The following CTBP2 variants were observed in gnomAD, a reference collection of about 807,000 sequenced individuals.
The protein encoded by CTBP2 is C-terminal binding protein 2, also known as C-terminal-binding protein 2.
Under a neutral mutation model 80.3 loss-of-function variants are expected in CTBP2, and 30 were observed. The observed-to-expected ratio is 0.37, with a 90% CI of 0.28 to 0.51. CTBP2 has a LOEUF of 0.51. Among genes scored for constraint, CTBP2 ranks in the 20% least tolerant of loss-of-function variants. The pLI is 0.93. For synonymous variants in CTBP2, 594 were observed against 587.4 expected (o/e 1.01, Z -0.16); for missense variants, 1,212 against 1,375.3 (o/e 0.88, Z 1.88).
chr10:125,009,856 G>A (rs1955668284), intron 1 of CTBP2, among the ~76,000 whole-genome samples: 1 of 152,172 alleles, frequency 6.6e-6, no homozygotes, highest in African/African-American at 2.4e-5. Flanking sequence ...GCGGTCTGTG[G>A]GAGCCTCGTG....
At chr10:125,131,071 T>C (rs1278068705) in intron 1 of CTBP2, among the ~76,000 whole-genome samples, 2 of 152,160 alleles carry the variant, frequency 1.3e-5, no homozygotes, top group South Asian at 2.1e-4. Flanking sequence ...TGACAGCAGA[T>C]GCAGATGAGA....
At chr10:125,042,230 G>A (rs551589603) in intron 2 of CTBP2, among the ~76,000 whole-genome samples, 5 of 152,296 alleles carry the variant, frequency 3.3e-5, no homozygotes, top group African/African-American at 7.2e-5. Flanking sequence ...AGCTATTTAC[G>A]AGGACTTAAT....
In CTBP2 at chr10:124,998,431, T is replaced by C. The variant is rs973148315; in HGVS notation, c.1979-261A>G. The C allele has an allele frequency of 7.7e-5, 39 of 506,660 alleles. No homozygotes were observed. The South Asian group carries it at 8.1e-4, about 11-fold the overall frequency. The allele number at this position is 506,660 out of a possible 1,614,324, so 31.4% of individuals were successfully genotyped here. A position where few individuals can be genotyped will look rare whatever the true frequency, so the allele number is the denominator to read the frequency against. On this transcript the variant is annotated intron_variant, in intron 3 of 8. Transcript: ENST00000309035. The stretch of plus-strand genomic sequence containing the variant: ...CGTGGCTCATGACCAACCCAACTCC[T>C]ATGGCTGATTTTGGGCCTGACTGGC...
intron 2 of CTBP2, among the ~76,000 whole-genome samples, chr10:125,040,587 A>G (rs992611392): frequency 5.8e-5 from 7 of 119,816 alleles, no homozygotes; most frequent in Admixed American, 4.5e-4. Flanking sequence ...TAAGACCACC[A>G]CCACAACCAC....
At chr10:125,138,433 C>T (rs1857289525) in intron 1 of CTBP2, among the ~76,000 whole-genome samples, 1 of 152,034 alleles carries the variant, frequency 6.6e-6, no homozygotes, top group African/African-American at 2.4e-5. Context: ...AACACATCCG[C>T]GTTTGGTGGG....
intron 2 of CTBP2, among the ~76,000 whole-genome samples, chr10:125,064,181 T>A (rs1026925487): frequency 2.6e-5 from 4 of 152,264 alleles, no homozygotes; most frequent in Non-Finnish European, 4.4e-5. Context: ...CATAGTCTCC[T>A]CGGTTTTCAC....
intron 2 of CTBP2, among the ~76,000 whole-genome samples, chr10:125,091,663 T>C (rs1354405724): frequency 6.6e-6 from 1 of 152,086 alleles, no homozygotes; most frequent in Non-Finnish European, 1.5e-5. Flanking sequence ...GTCCCAGCTA[T>C]GTGGGGAGCT....
At chr10:125,085,063 T>C (rs971673915) in intron 2 of CTBP2, among the ~76,000 whole-genome samples, 1 of 152,194 alleles carries the variant, frequency 6.6e-6, no homozygotes, top group Non-Finnish European at 1.5e-5. Flanking sequence ...ACTCCAGGTC[T>C]TGGCTCATGA....
chr10:125,113,825 G>A (rs7908461), intron 1 of CTBP2, among the ~76,000 whole-genome samples: 19,005 of 152,144 alleles, frequency 0.12, 1,981 homozygotes, highest in African/African-American at 0.28. Flanking sequence ...GTGACATTTC[G>A]TGGAATTTCA....
intron 1 of CTBP2, among the ~76,000 whole-genome samples, chr10:125,143,135 C>T (rs1236949732): frequency 6.6e-6 from 1 of 152,214 alleles, no homozygotes; most frequent in Non-Finnish European, 1.5e-5. Context: ...CCCCCCACGA[C>T]ATCCCGCACA....
In CTBP2 at chr10:124,988,374, TA is replaced by T. The variant is rs1308179876; in HGVS notation, c.*1143del. 1.3e-5 allele frequency: 2 copies of T among 152,660 alleles called. No individual in the cohort carries two copies. The highest frequency in any genetic ancestry group is 2.9e-5 in the Non-Finnish European group (2 of 68,036). The allele number at this position is 152,660 out of a possible 1,614,324, so 9.5% of individuals were successfully genotyped here. On this transcript the variant is annotated 3_prime_UTR_variant, in exon 9 of 9. Coordinates refer to ENST00000309035, the MANE Select transcript of CTBP2 (RefSeq NM_022802.3). ...TTTTATTGAAAACTGCACTGAACGCTAAATGTCCACCTTTACAATAAACAAA... is the reference window on the plus strand; with the variant it reads ...TTTTATTGAAAACTGCACTGAACGCTAATGTCCACCTTTACAATAAACAAA...
intron 1 of CTBP2, among the ~76,000 whole-genome samples, chr10:125,118,014 G>T (rs573991509): frequency 3.9e-5 from 6 of 152,182 alleles, no homozygotes; most frequent in Admixed American, 2.6e-4. Context: ...ATATTCAGCT[G>T]GTTTTAAGAA....
chr10:125,090,332 T>C (rs115425543), intron 2 of CTBP2, among the ~76,000 whole-genome samples: 4,093 of 139,908 alleles, frequency 0.029, 230 homozygotes, highest in African/African-American at 0.11. Flanking sequence ...GGCTGAAACA[T>C]GAAACAGTGA....
intron 2 of CTBP2, among the ~76,000 whole-genome samples, chr10:125,062,733 A>G (rs1402232432): frequency 2.0e-5 from 3 of 152,208 alleles, no homozygotes. Flanking sequence ...GCGGTGGCAC[A>G]CGCCTGTAAT....
chr10:125,007,764 G>T (rs1955426185), intron 1 of CTBP2, among the ~76,000 whole-genome samples: 1 of 152,174 alleles, frequency 6.6e-6, no homozygotes, highest in Admixed American at 6.5e-5. Context: ...GACACTGTGT[G>T]AGCTAAGCCG....
Position 124,994,775 on chromosome 10 carries a change from G to A in CTBP2, c.2186-92C>T, listed in dbSNP as rs1953237098. The stretch of plus-strand genomic sequence containing the variant: ...TGCTTCTGAGCTGAGTCCGGGCTTG[G>A]CATCCCCGCTGGTAGCTGCTGCCAG... On this transcript the variant is annotated intron_variant, in intron 4 of 8. Coordinates refer to ENST00000309035, the MANE Select transcript of CTBP2 (RefSeq NM_022802.3). 8 of 1,277,532 alleles carry A rather than the reference G, an allele frequency of 6.3e-6. No individual in the cohort carries two copies. The South Asian group carries it at 8.9e-5, about 14-fold the overall frequency. 79.1% of individuals were successfully genotyped at this position (1,277,532 alleles called of 1,614,324 possible).
chr10:125,160,508 GCTCCCGAGC>G (rs1465447175), exon 1 of CTBP2: 1 of 149,716 alleles, frequency 6.7e-6, no homozygotes, highest in African/African-American at 2.5e-5. Context: ...CCTCCGGGCC[GCTCCCGAGC>G]CACCTTAAAA....
At chr10:124,992,663 C>A in intron 8 of CTBP2, 32 bp downstream of exon 10, 1 of 1,541,370 alleles carries the variant, frequency 6.5e-7, no homozygotes, top group Middle Eastern at 2.3e-4. Context: ...GTGGTGCTCA[C>A]AAGCTGAGAC....
At chr10:125,028,136 A>T (rs1252116202), upstream of CTBP2, 1 of 190,052 alleles carries the variant, frequency 5.3e-6, no homozygotes, top group Non-Finnish European at 1.1e-5. Context: ...GCTTTGTTCC[A>T]TGTGACATCT....
Sources: allele counts gnomAD v4.1 joint callset (sites outside exome capture counted in the v4.1 genomes callset), GRCh38; gene constraint gnomAD v4.1.1; transcripts MANE v1.5; gene names NCBI Gene and HGNC (gene_info 2026-07-23, HGNC 2026-07-21).